PSMB7: variants seen among roughly 807,000 people sequenced by gnomAD.
PSMB7 encodes the protein proteasome subunit beta type-7.
Under a neutral mutation model 28.1 loss-of-function variants are expected in PSMB7, and 5 were observed. The observed-to-expected ratio is 0.18, with a 90% confidence interval of 0.09 to 0.37. The LOEUF (loss-of-function observed/expected upper bound fraction) is 0.37. PSMB7 is among the 10% of genes least tolerant of loss of function. PSMB7 has a pLI of 1.00. For missense variants in PSMB7, 275 were observed against 346.2 expected, an observed-to-expected ratio of 0.79 and a Z score of 1.63; for synonymous variants, 122 against 123.7, an observed-to-expected ratio of 0.99 and a Z score of 0.09.
At chr9:124,362,727 C>T (rs947575437) in intron 6 of PSMB7, among the ~76,000 whole-genome samples, 6 of 124,236 alleles carry the variant, frequency 4.8e-5, no homozygotes, top group Middle Eastern at 4.0e-3. Flanking sequence ...GTGTTCTCAC[C>T]ACAAAAAAAA....
At chr9:124,382,650 T>C (rs1490257697) in intron 6 of PSMB7, among the ~76,000 whole-genome samples, 1 of 152,208 alleles carries the variant, frequency 6.6e-6, no homozygotes, top group East Asian at 1.9e-4. Flanking sequence ...GCCAATCTGT[T>C]TCAAGGTCTC....
intron 5 of PSMB7, among the ~76,000 whole-genome samples, chr9:124,404,101 G>A (rs1370678897): frequency 6.6e-6 from 1 of 151,706 alleles, no homozygotes; most frequent in Non-Finnish European, 1.5e-5. Flanking sequence ...TGTTGCCTAG[G>A]CTGGTCTTAA....
chr9:124,367,823 T>C (rs1253624525), intron 6 of PSMB7, among the ~76,000 whole-genome samples: 1 of 152,110 alleles, frequency 6.6e-6, no homozygotes, highest in Non-Finnish European at 1.5e-5. Context: ...AAATCCACAA[T>C]GAATGCTAAC....
At chr9:124,372,148 T>C (rs1830569877) in intron 6 of PSMB7, among the ~76,000 whole-genome samples, 2 of 152,214 alleles carry the variant, frequency 1.3e-5, no homozygotes, top group Non-Finnish European at 2.9e-5. Flanking sequence ...CTTTTCTATC[T>C]ACTTTGCCAA....
chr9:124,356,034 G>A lies in PSMB7; in HGVS notation c.722+730C>T, dbSNP rs912995997. 1.1e-4 allele frequency among the ~76,000 whole-genome samples: 17 copies of A among 152,166 alleles called. No homozygotes were observed. The highest frequency in any genetic ancestry group is 1.3e-4 in the Non-Finnish European group (9 of 68,028). Reference sequence around the variant, plus strand: ...ATGCCCTGTGCTGCACCCAGATGCTGCAGCTGGAAGCAGCACTCAGGGAGC... The same window carrying A: ...ATGCCCTGTGCTGCACCCAGATGCTACAGCTGGAAGCAGCACTCAGGGAGC... On this transcript the variant is annotated intron_variant, in intron 7 of 7. Coordinates refer to ENST00000259457, the MANE Select transcript of PSMB7 (RefSeq NM_002799.4). This position sits in a 1 kb window ranked among gnomAD's most constrained non-coding sequence, Gnocchi z 4.4.
intron 6 of PSMB7, among the ~76,000 whole-genome samples, chr9:124,368,976 C>A (rs1830535408): frequency 6.6e-6 from 1 of 152,154 alleles, no homozygotes; most frequent in Non-Finnish European, 1.5e-5. Context: ...TCCCCTAATT[C>A]CATTCAGCTG....
rs577970889 is a variant in PSMB7 at position 124,357,005 on chromosome 9, A to ACCT, written c.571-93_571-91dup. On this transcript the variant is annotated intron_variant, in intron 6 of 7. Transcript: ENST00000259457. The stretch of plus-strand genomic sequence containing the variant: ...TGTACGTCCACTAGCAGTGCGCAAG[A>ACCT]CCTCCCGCGAGACAGGTGTTGTTTT... 4,455 of 1,396,674 alleles carry ACCT rather than the reference A, an allele frequency of 3.2e-3. 14 individuals carry two copies. The highest frequency in any genetic ancestry group is 3.9e-3 in the Non-Finnish European group (3,951 of 1,012,092). 86.5% of individuals were successfully genotyped at this position (1,396,674 alleles called of 1,614,324 possible).
intron 6 of PSMB7, among the ~76,000 whole-genome samples, chr9:124,377,487 TACAAAAAAAACAC>T (rs1830623538): frequency 6.6e-6 from 1 of 152,150 alleles, no homozygotes; most frequent in Non-Finnish European, 1.5e-5. Flanking sequence ...ATACTGGACT[TACAAAAAAAACAC>T]ACACACAGTT....
In PSMB7 at chr9:124,353,574, C is replaced by G; in HGVS notation, c.*24G>C. On this transcript the variant is annotated 3_prime_UTR_variant, in exon 8 of 8. Coordinates refer to ENST00000259457, the MANE Select transcript of PSMB7 (RefSeq NM_002799.4). The stretch of plus-strand genomic sequence containing the variant: ...CAATGCTCACCACCTTCCAGAACCG[C>G]GGCCAGCCACCCACTGATGCCATTC... 6.5e-7 allele frequency: 1 copy of G among 1,538,760 alleles called. No homozygotes were observed. Among genetic ancestry groups the G allele is most frequent in the Non-Finnish European group, 9.0e-7 (1 of 1,112,244 alleles).
chr9:124,383,563 G>T (rs1190664561), intron 6 of PSMB7: 1 of 152,154 alleles, frequency 6.6e-6, no homozygotes, highest in East Asian at 1.9e-4. Context: ...GAGTTCCAAT[G>T]ACACTTGGTG....
rs967663 is a variant in PSMB7, at chr9:124,378,190, T to C, written c.570+6408A>G. ...TTTTTCAAGTTGCTATTATTGCCTG[T>C]CATGGATTTATAAATATTGTGCACT... On this transcript the variant is annotated intron_variant, in intron 6 of 7. Transcript: ENST00000259457. 9.2e-5 allele frequency among the ~76,000 whole-genome samples: 14 copies of C among 152,378 alleles called. No homozygotes were observed. The South Asian group carries it at 1.7e-3, about 18-fold the overall frequency.
intron 6 of PSMB7, among the ~76,000 whole-genome samples, chr9:124,359,600 G>A (rs1250575600): frequency 6.6e-6 from 1 of 152,168 alleles, no homozygotes; most frequent in African/African-American, 2.4e-5. Context: ...ACACCAACTC[G>A]CAAGTGACCT....
chr9:124,393,275 T>C (rs1464883552), intron 5 of PSMB7, among the ~76,000 whole-genome samples: 1 of 152,192 alleles, frequency 6.6e-6, no homozygotes. Flanking sequence ...TGCATTTCAT[T>C]ATAAGTCCTG....
chr9:124,406,082 T>C (rs1830959729), intron 4 of PSMB7, among the ~76,000 whole-genome samples: 1 of 152,120 alleles, frequency 6.6e-6, no homozygotes. Context: ...CAGAACCAAA[T>C]TGGACTGACT....
intron 6 of PSMB7, among the ~76,000 whole-genome samples, chr9:124,367,515 T>A (rs1322588617): frequency 1.3e-5 from 2 of 151,522 alleles, no homozygotes; most frequent in Non-Finnish European, 2.9e-5. Context: ...CAAAAAGGCA[T>A]AAGGAAGCTT....
rs1327905845 is a variant in PSMB7, at chr9:124,356,806, TC to T, written c.679del (p.Asp227IlefsTer66). The part of the protein sequence containing the change: ...DLCVISKNKL[D>X]FLRPYTVPNK... ...GGGCACTGTGTATGGGCGGAGAAAA[TC>T]CAGCTTGTTCTTGCTGATGACGCAG... is the stretch of plus-strand genomic sequence containing the variant. On this transcript the variant is annotated frameshift_variant, in exon 7 of 8. Coordinates refer to ENST00000259457, the MANE Select transcript of PSMB7 (RefSeq NM_002799.4). LOFTEE classifies it high-confidence loss of function. The surrounding 1 kb of genome is among the most constrained non-coding windows in gnomAD (Gnocchi z 4.4). 1 of 1,613,994 alleles carries T rather than the reference TC, an allele frequency of 6.2e-7. No homozygotes were observed. The highest frequency in any genetic ancestry group is 8.5e-7 in the Non-Finnish European group (1 of 1,180,006).
chr9:124,362,895 G>A (rs1355745985), intron 6 of PSMB7, among the ~76,000 whole-genome samples: 1 of 152,182 alleles, frequency 6.6e-6, no homozygotes, highest in African/African-American at 2.4e-5. Context: ...AATGCAGCTT[G>A]GAAAATCTTC....
At chr9:124,401,743 G>A (rs1049687772) in intron 5 of PSMB7, among the ~76,000 whole-genome samples, 13 of 152,158 alleles carry the variant, frequency 8.5e-5, no homozygotes, top group Non-Finnish European at 1.6e-4. Flanking sequence ...TGATGAGGCC[G>A]GGTGCAGTGG....
At chr9:124,378,800 G>T (rs1293438218) in intron 6 of PSMB7, among the ~76,000 whole-genome samples, 1 of 152,056 alleles carries the variant, frequency 6.6e-6, no homozygotes, top group Non-Finnish European at 1.5e-5. Context: ...AGCAATTTTA[G>T]CAATTTTCAA....
Sources: gnomAD v4.1 joint callset for allele counts (sites outside exome capture counted in the v4.1 genomes callset) on GRCh38, gnomAD v4.1.1 for gene constraint, Gnocchi (gnomAD v3.1) non-coding constraint, MANE v1.5 for transcripts, NCBI Gene and HGNC (gene_info 2026-07-23, HGNC 2026-07-21) for gene names.